UBE3C: variants seen among roughly 807,000 people sequenced by gnomAD.
UBE3C encodes ubiquitin protein ligase E3C.
Under a neutral mutation model 129.4 loss-of-function variants are expected in UBE3C, and 42 were observed. The observed-to-expected ratio is 0.32, with a 90% confidence interval of 0.25 to 0.42. The LOEUF is 0.42. Among genes scored for constraint, UBE3C ranks in the 10% least tolerant of loss-of-function variants. The pLI, the probability that UBE3C is intolerant of heterozygous loss-of-function variation, is 1.00. For missense variants in UBE3C, 1,049 were observed against 1,319.1 expected (o/e 0.80, Z 3.17); for synonymous variants, 510 against 492.4 (o/e 1.04, Z -0.47).
Position 157,254,021 on chromosome 7 carries a change from A to C in UBE3C, c.2762A>C (p.His921Pro). ...VTSANRIAYIHLVADYRLNRQ... is the reference protein window; with the variant it reads ...VTSANRIAYIPLVADYRLNRQ... ...AGCGCCAACCGGATTGCGTACATCC[A>C]CTTGGTGGCAGACTACAGGCTGAAC... Residue 921 changes from histidine (H) to proline (P), a missense_variant, in exon 20 of 23, where the codon CAC (histidine) becomes CCC (proline). His to Pro is a moderately conservative substitution (Grantham distance 77, BLOSUM62 -2). Around this residue, in one of 4 missense-constraint regions of UBE3C, gnomAD observed 243 missense variants for 368.7 expected, o/e 0.66. Coordinates refer to ENST00000348165, the MANE Select transcript of UBE3C (RefSeq NM_014671.3). 6.2e-7 allele frequency: 1 copy of C among 1,613,274 alleles called. No individual in the cohort carries two copies. The highest frequency in any genetic ancestry group is 8.5e-7 in the Non-Finnish European group (1 of 1,179,716).
intron 22 of UBE3C, among the ~76,000 whole-genome samples, chr7:157,262,710 C>A (rs539166985): frequency 6.6e-6 from 1 of 152,102 alleles, no homozygotes; most frequent in Non-Finnish European, 1.5e-5. Context: ...CATGAGCCAC[C>A]GCGCCCATCC....
At chr7:157,242,098 A>G (rs1471859891) in intron 18 of UBE3C, among the ~76,000 whole-genome samples, 1 of 152,228 alleles carries the variant, frequency 6.6e-6, no homozygotes, top group Non-Finnish European at 1.5e-5. Context: ...CTTTACGAAT[A>G]TAATAAAACC....
rs1797130751 is a variant in UBE3C, at chr7:157,268,197, T to C, written c.*442T>C. 1 of 154,198 alleles carries C rather than the reference T, an allele frequency of 6.5e-6. No homozygotes were observed. The highest frequency in any genetic ancestry group is 6.5e-5 in the Admixed American group (1 of 15,350). The allele number at this position is 154,198 out of a possible 1,614,324, so 9.6% of individuals were successfully genotyped here. A position where few individuals can be genotyped will look rare whatever the true frequency, so the allele number is the denominator to read the frequency against. ...GACGCCATGGGGCCGCTGCTGCTTA[T>C]GTGGTTGGATTGTTTACAAGCCTCA... On this transcript the variant is annotated 3_prime_UTR_variant, in exon 23 of 23. Transcript: ENST00000348165.
intron 1 of UBE3C, among the ~76,000 whole-genome samples, chr7:157,145,716 C>A (rs1420197664): frequency 6.6e-6 from 1 of 152,064 alleles, no homozygotes; most frequent in Non-Finnish European, 1.5e-5. Flanking sequence ...CTTTTCATGG[C>A]TTGACAGTTC....
Position 157,140,916 on chromosome 7 carries a change from A to G in UBE3C, c.66+1578A>G, listed in dbSNP as rs113268237. Among the ~76,000 whole-genome samples the G allele has an allele frequency of 5.1e-3, 774 of 152,346 alleles. 4 individuals carry two copies. Among genetic ancestry groups the G allele is most frequent in the African/African-American group, 8.8e-3 (365 of 41,578 alleles). On this transcript the variant is annotated intron_variant, in intron 1 of 22. Coordinates refer to ENST00000348165, the MANE Select transcript of UBE3C (RefSeq NM_014671.3). ...AGATACAGTCAGGTTCACAAACACT[A>G]AAGAGATCCTTGTGCAAGTGAAATT...
chr7:157,175,424 C>G (rs1352700856), intron 5 of UBE3C, among the ~76,000 whole-genome samples: 1 of 152,082 alleles, frequency 6.6e-6, no homozygotes, highest in East Asian at 1.9e-4. Context: ...TAGAATACAC[C>G]TTTCATCAGG....
chr7:157,266,258 A>G (rs769714961), intron 22 of UBE3C, among the ~76,000 whole-genome samples: 9 of 152,154 alleles, frequency 5.9e-5, no homozygotes, highest in South Asian at 2.1e-4. Flanking sequence ...ATGTTGCAGT[A>G]AGCCGAGATT....
intron 13 of UBE3C, among the ~76,000 whole-genome samples, chr7:157,209,844 C>A (rs1026345682): frequency 5.3e-5 from 8 of 152,194 alleles, no homozygotes; most frequent in African/African-American, 1.9e-4. Context: ...TTTTATGCCT[C>A]AAAATGACTC....
At chr7:157,156,735 A>T (rs1471617207) in intron 1 of UBE3C, among the ~76,000 whole-genome samples, 1 of 151,482 alleles carries the variant, frequency 6.6e-6, no homozygotes. Context: ...AAAAAACACA[A>T]GCTAGAGCAT....
intron 22 of UBE3C, among the ~76,000 whole-genome samples, chr7:157,257,386 G>A (rs920637909): frequency 8.5e-5 from 13 of 152,142 alleles, no homozygotes; most frequent in African/African-American, 2.7e-4. Flanking sequence ...ACTGAAGCAG[G>A]TACAACGTAG....
chr7:157,163,923 C>T, intron 2 of UBE3C, 60 bp downstream of exon 2: 1 of 1,533,964 alleles, frequency 6.5e-7, no homozygotes, highest in Non-Finnish European at 9.0e-7. Flanking sequence ...TTTAAACATG[C>T]CTTGGTTTTA....
At chr7:157,266,497 A>G (rs1797082964) in intron 22 of UBE3C, among the ~76,000 whole-genome samples, 1 of 152,136 alleles carries the variant, frequency 6.6e-6, no homozygotes, top group African/African-American at 2.4e-5. Flanking sequence ...CTCGTGAGTC[A>G]TCTCCCCACA....
At chr7:157,201,955 C>T in intron 11 of UBE3C, 148 bp downstream of exon 11, 1 of 634,334 alleles carries the variant, frequency 1.6e-6, no homozygotes, top group Non-Finnish European at 2.7e-6. Flanking sequence ...CTCAGTTGCA[C>T]AAAAAGAAAA....
chr7:157,217,480 G>C (rs1426559601), intron 14 of UBE3C, among the ~76,000 whole-genome samples: 1 of 151,910 alleles, frequency 6.6e-6, no homozygotes, highest in Non-Finnish European at 1.5e-5. Context: ...AAAGAACAGA[G>C]ACAAATTTGA....
chr7:157,253,253 T>C (rs1461773703), intron 19 of UBE3C, among the ~76,000 whole-genome samples: 3 of 152,228 alleles, frequency 2.0e-5, no homozygotes, highest in East Asian at 3.8e-4. Flanking sequence ...GACTTGTCTG[T>C]CATACAAGTG....
intron 10 of UBE3C, chr7:157,197,869 T>C: frequency 1.2e-6 from 2 of 1,606,690 alleles, no homozygotes; most frequent in South Asian, 1.1e-5. Flanking sequence ...GCGTTAAGTA[T>C]TGATTTATCC....
intron 22 of UBE3C, among the ~76,000 whole-genome samples, chr7:157,264,318 C>G (rs1797010918): frequency 1.1e-5 from 1 of 89,400 alleles, no homozygotes; most frequent in Non-Finnish European, 2.1e-5. Flanking sequence ...CACACACACA[C>G]CTGGTATTAC....
rs937961251 is a variant in UBE3C, at chr7:157,183,990, T to G, written c.1104T>G (p.Ser368=). Residue 368 remains serine, a synonymous_variant, in exon 9 of 23, where the codon TCT becomes TCG. Transcript: ENST00000348165. ...SASCHDSASD[S]EEESEEADKP... is the part of the protein sequence containing the mutation. ...GCTGTCACGACTCAGCCAGTGACTC[T>G]GAGGAGGAGAGTGAAGAAGCCGACA... is the stretch of plus-strand genomic sequence containing the variant. 13 of 1,614,178 alleles carry G rather than the reference T, an allele frequency of 8.1e-6. No homozygotes were observed. The highest frequency in any genetic ancestry group is 1.1e-5 in the Non-Finnish European group (13 of 1,180,020).
At chr7:157,262,569 C>A (rs965169756) in intron 22 of UBE3C, among the ~76,000 whole-genome samples, 3 of 151,792 alleles carry the variant, frequency 2.0e-5, no homozygotes, top group African/African-American at 7.3e-5. Context: ...CAGGCACCTA[C>A]CACCACCCCC....
Sources: allele counts gnomAD v4.1 joint callset (sites outside exome capture counted in the v4.1 genomes callset), GRCh38; gene constraint gnomAD v4.1.1; regional missense constraint gnomAD v4.1.1; transcripts MANE v1.5; gene names NCBI Gene and HGNC (gene_info 2026-07-23, HGNC 2026-07-21).